Variants in CAMK1D observed in about 807,000 individuals in gnomAD.
CAMK1D encodes calcium/calmodulin dependent protein kinase ID.
A neutral mutation model predicts 47.7 loss-of-function variants in CAMK1D; 9 were observed. The observed-to-expected ratio is 0.19, with a 90% CI of 0.11 to 0.33. CAMK1D has a LOEUF of 0.33. Among genes scored for constraint, CAMK1D ranks in the 10% least tolerant of loss-of-function variants. The probability of loss-of-function intolerance (pLI) is 1.00; values close to 1 mark genes in which losing one functional copy is unlikely to be tolerated. For synonymous variants in CAMK1D, 184 were observed against 184.9 expected, an observed-to-expected ratio of 0.99 and a Z score of 0.04; for missense variants, 291 against 488.7, an observed-to-expected ratio of 0.60 and a Z score of 3.81.
At chr10:12,749,550 T>G (rs531634143) in intron 3 of CAMK1D, among the ~76,000 whole-genome samples, 17 of 135,632 alleles carry the variant, frequency 1.3e-4, no homozygotes, top group South Asian at 4.4e-4. Context: ...TTTGTTTGTT[T>G]TTTGTTTGTT....
At chr10:12,549,927 G>A (rs1273376554) in intron 1 of CAMK1D, among the ~76,000 whole-genome samples, 1 of 152,146 alleles carries the variant, frequency 6.6e-6, no homozygotes, top group Non-Finnish European at 1.5e-5. Context: ...GCTTCTCACT[G>A]TTTCCTCCAA....
At chr10:12,615,057 G>A (rs1207359891) in intron 2 of CAMK1D, among the ~76,000 whole-genome samples, 1 of 152,200 alleles carries the variant, frequency 6.6e-6, no homozygotes. Flanking sequence ...GGAGCTGGAG[G>A]ACTGATAATC....
chr10:12,518,247 T>C lies in CAMK1D; in HGVS notation c.93-34978T>C, dbSNP rs568909006. 7.2e-5 allele frequency among the ~76,000 whole-genome samples: 11 copies of C among 152,376 alleles called. No homozygotes were observed. In the South Asian group the frequency reaches 2.1e-3, roughly 29 times the overall value. On this transcript the variant is annotated intron_variant, in intron 1 of 10. Transcript: ENST00000619168. ...TGGAACACAGCCATGCCTGTTCATT[T>C]GCTTATTGTCCATGGCTACCTTTGC...
intron 3 of CAMK1D, among the ~76,000 whole-genome samples, chr10:12,729,383 C>T (rs529707052): frequency 5.3e-5 from 8 of 152,332 alleles, no homozygotes; most frequent in African/African-American, 1.9e-4. Flanking sequence ...TGCCTGTAAT[C>T]GCAGCACTTT....
intron 1 of CAMK1D, among the ~76,000 whole-genome samples, chr10:12,455,535 A>G (rs920733621): frequency 3.3e-5 from 5 of 152,184 alleles, no homozygotes; most frequent in Admixed American, 6.5e-5. Flanking sequence ...TAAATTCCAT[A>G]TAAATGGAAT....
chr10:12,427,700 G>GTTTTTTTTTTTTTTTGTTTTTTTTTTTTT (rs1840286957), intron 1 of CAMK1D, among the ~76,000 whole-genome samples: 1 of 31,030 alleles, frequency 3.2e-5, no homozygotes, highest in African/African-American at 1.1e-4. Context: ...TGAACTTACT[G>GTTTTTTTTTTTTTTTGTTTTTTTTTTTTT]TTTTTTTTTT....
rs1403454286 is a variant in CAMK1D, at chr10:12,637,970, C to T, written c.225-28766C>T. Among the ~76,000 whole-genome samples, 6 of 152,292 alleles carry T rather than the reference C, an allele frequency of 3.9e-5. No individual in the cohort carries two copies. In the East Asian group the frequency reaches 5.8e-4, roughly 15 times the overall value. ...GCCTCATCCTATCCACAGCCCGGCC[C>T]GGTAGCCTCATCCTATCCCCACCCT... On this transcript the variant is annotated intron_variant, in intron 2 of 10. Coordinates refer to ENST00000619168, the MANE Select transcript of CAMK1D (RefSeq NM_153498.4).
chr10:12,791,699 A>G (rs992734977), intron 6 of CAMK1D, among the ~76,000 whole-genome samples: 6 of 152,158 alleles, frequency 3.9e-5, no homozygotes, highest in Non-Finnish European at 7.3e-5. Context: ...GTGTGGATAG[A>G]CCATGTTTTG....
chr10:12,685,431 C>T (rs765774961), intron 3 of CAMK1D, among the ~76,000 whole-genome samples: 1 of 152,182 alleles, frequency 6.6e-6, no homozygotes, highest in Non-Finnish European at 1.5e-5. Flanking sequence ...GCATCTTTTA[C>T]AAGGACTCAG....
At chr10:12,701,638 A>G (rs1223733330) in intron 3 of CAMK1D, among the ~76,000 whole-genome samples, 1 of 152,240 alleles carries the variant, frequency 6.6e-6, no homozygotes, top group African/African-American at 2.4e-5. Context: ...TTAAGTATCT[A>G]TCTTCCAGTG....
chr10:12,749,085 C>T (rs1037368927), intron 3 of CAMK1D, among the ~76,000 whole-genome samples: 4 of 152,120 alleles, frequency 2.6e-5, no homozygotes, highest in African/African-American at 9.7e-5. Flanking sequence ...TAGGTCTAAC[C>T]ATGCTCCACA....
chr10:12,718,022 T>A (rs1471675897), intron 3 of CAMK1D, among the ~76,000 whole-genome samples: 1 of 152,168 alleles, frequency 6.6e-6, no homozygotes, highest in Non-Finnish European at 1.5e-5. Context: ...TATTTCATAC[T>A]AAATTATTTT....
chr10:12,746,716 C>T (rs1835697334), intron 3 of CAMK1D, among the ~76,000 whole-genome samples: 2 of 152,190 alleles, frequency 1.3e-5, no homozygotes, highest in Non-Finnish European at 2.9e-5. Flanking sequence ...CAGGAAACAG[C>T]ATGAGGCCAT....
intron 1 of CAMK1D, among the ~76,000 whole-genome samples, chr10:12,395,653 G>A (rs139703126): frequency 7.1e-4 from 108 of 152,164 alleles, no homozygotes; most frequent in African/African-American, 2.3e-3. Flanking sequence ...AGTGGGTCAC[G>A]CCTGTAATCC....
intron 3 of CAMK1D, among the ~76,000 whole-genome samples, chr10:12,700,747 A>G (rs1833487565): frequency 6.6e-6 from 1 of 152,236 alleles, no homozygotes; most frequent in African/African-American, 2.4e-5. Flanking sequence ...TCAGCCTGGA[A>G]TGTGCATGTC....
chr10:12,488,223 C>G (rs1322819288), intron 1 of CAMK1D, among the ~76,000 whole-genome samples: 1 of 152,118 alleles, frequency 6.6e-6, no homozygotes, highest in Non-Finnish European at 1.5e-5. Flanking sequence ...TCCAAGCCCC[C>G]TGAAATCGCA....
chr10:12,770,505 A>G (rs12784393), intron 5 of CAMK1D, among the ~76,000 whole-genome samples: 46,410 of 152,152 alleles, frequency 0.31, 7,657 homozygotes, highest in East Asian at 0.41. Context: ...CAGCAAATGT[A>G]TGTAAAGTTG....
intron 1 of CAMK1D, among the ~76,000 whole-genome samples, chr10:12,509,713 T>C (rs918993547): frequency 6.6e-6 from 1 of 152,218 alleles, no homozygotes; most frequent in Non-Finnish European, 1.5e-5. Context: ...AGGGCACCAC[T>C]GCACTCCAGT....
intron 3 of CAMK1D, among the ~76,000 whole-genome samples, chr10:12,723,049 A>G (rs1257426011): frequency 1.3e-5 from 2 of 152,180 alleles, no homozygotes; most frequent in Non-Finnish European, 1.5e-5. Flanking sequence ...AGGAAGAACT[A>G]TGTGAACACC....
Sources: allele counts gnomAD v4.1 joint callset (sites outside exome capture counted in the v4.1 genomes callset), GRCh38; gene constraint gnomAD v4.1.1; transcripts MANE v1.5; gene names NCBI Gene and HGNC (gene_info 2026-07-23, HGNC 2026-07-21).